The following CALCRL variants were observed in gnomAD, a reference collection of about 807,000 sequenced individuals.
The protein encoded by CALCRL is calcitonin gene-related peptide type 1 receptor.
CALCRL carries 27 observed loss-of-function variants against 60.4 expected under a neutral mutation model. That is an observed-to-expected ratio of 0.45 (90% CI 0.33 to 0.62). The LOEUF is 0.62. CALCRL is among the 20% of genes least tolerant of loss of function. The pLI is 0.03. For missense variants in CALCRL, 424 were observed against 540.7 expected (o/e 0.78, Z 2.14); for synonymous variants, 190 against 182.6 (o/e 1.04, Z -0.33).
rs1689403786 is a variant in CALCRL, at chr2:187,412,355, C to T, written c.-292-24599G>A. ...CAAGAGAAATGATCCACAGGGTAGACTTGGAACTGAGTACTGAAAAGGGGG... is the reference window on the plus strand; with the variant it reads ...CAAGAGAAATGATCCACAGGGTAGATTTGGAACTGAGTACTGAAAAGGGGG... On this transcript the variant is annotated intron_variant, in intron 1 of 14. Coordinates refer to ENST00000392370, the MANE Select transcript of CALCRL (RefSeq NM_005795.6). 2.0e-5 allele frequency among the ~76,000 whole-genome samples: 3 copies of T among 152,134 alleles called. No individual in the cohort carries two copies. The South Asian group carries it at 6.2e-4, about 32-fold the overall frequency.
intron 3 of CALCRL, 47 bp from the exon 4 acceptor site, chr2:187,385,678 T>A: frequency 2.2e-6 from 2 of 910,044 alleles, no homozygotes; most frequent in African/African-American, 3.5e-5. Flanking sequence ...ATTTATGAAA[T>A]AAATGCAGAT....
At chr2:187,357,935 A>G (rs750922816) in intron 12 of CALCRL, among the ~76,000 whole-genome samples, 6 of 152,082 alleles carry the variant, frequency 3.9e-5, no homozygotes, top group African/African-American at 4.8e-5. Flanking sequence ...AACTTAAAGT[A>G]TAACAACAAC....
intron 14 of CALCRL, among the ~76,000 whole-genome samples, chr2:187,348,099 A>C (rs1046162605): frequency 2.6e-5 from 4 of 151,746 alleles, no homozygotes; most frequent in Non-Finnish European, 5.9e-5. Context: ...TTATCTTGCA[A>C]AAATTAAACT....
At chr2:187,368,025 G>T (rs561229536) in intron 8 of CALCRL, among the ~76,000 whole-genome samples, 1 of 152,126 alleles carries the variant, frequency 6.6e-6, no homozygotes, top group South Asian at 2.1e-4. Context: ...GTCACTATGT[G>T]TAGTTCAGAC....
intron 8 of CALCRL, among the ~76,000 whole-genome samples, chr2:187,367,326 T>C (rs1276440613): frequency 6.6e-6 from 1 of 152,148 alleles, no homozygotes; most frequent in Non-Finnish European, 1.5e-5. Flanking sequence ...TGTGTAAATA[T>C]GTCCTACTGC....
intron 3 of CALCRL, among the ~76,000 whole-genome samples, chr2:187,385,844 G>C (rs12105527): frequency 0.032 from 4,829 of 152,072 alleles, 144 homozygotes; most frequent in African/African-American, 0.072. Flanking sequence ...TGGACTTCCC[G>C]AGTTCAAGCG....
chr2:187,357,757 G>T (rs1686861586), intron 12 of CALCRL, among the ~76,000 whole-genome samples: 1 of 151,282 alleles, frequency 6.6e-6, no homozygotes, highest in African/African-American at 2.4e-5. Flanking sequence ...TAACTAACCT[G>T]CACATTGTGC....
intron 3 of CALCRL, 23 bp from the exon 4 acceptor site, chr2:187,385,654 T>C: frequency 1.7e-6 from 2 of 1,156,294 alleles, no homozygotes; most frequent in Non-Finnish European, 2.5e-6. Context: ...ATAAAAGAAA[T>C]ATAATTCATC....
At chr2:187,374,151 C>T (rs1189322422) in intron 8 of CALCRL, among the ~76,000 whole-genome samples, 2 of 151,934 alleles carry the variant, frequency 1.3e-5, no homozygotes, top group Admixed American at 6.6e-5. Flanking sequence ...CTGGGTGACA[C>T]AGTGAGAGCC....
chr2:187,391,081 T>C (rs1404404783), intron 1 of CALCRL, among the ~76,000 whole-genome samples: 3 of 152,150 alleles, frequency 2.0e-5, no homozygotes, highest in Non-Finnish European at 2.9e-5. Flanking sequence ...ATTGCAAATA[T>C]AGCTGAAAGT....
At chr2:187,355,334 T>C (rs913782507) in intron 12 of CALCRL, among the ~76,000 whole-genome samples, 4 of 152,060 alleles carry the variant, frequency 2.6e-5, no homozygotes, top group African/African-American at 9.7e-5. Flanking sequence ...TTAAACACAG[T>C]ATGTCACTCA....
intron 1 of CALCRL, among the ~76,000 whole-genome samples, chr2:187,409,418 A>G (rs1193120243): frequency 3.9e-5 from 6 of 152,220 alleles, no homozygotes; most frequent in African/African-American, 9.6e-5. Flanking sequence ...TTGGTACAAA[A>G]TATTTGAGTT....
chr2:187,426,572 T>A (rs1690142182), intron 1 of CALCRL, among the ~76,000 whole-genome samples: 1 of 152,060 alleles, frequency 6.6e-6, no homozygotes, highest in East Asian at 1.9e-4. Context: ...AGCTATCTAT[T>A]TATATAGAGT....
intron 12 of CALCRL, among the ~76,000 whole-genome samples, chr2:187,352,662 G>T (rs1289382456): frequency 6.6e-6 from 1 of 151,728 alleles, no homozygotes; most frequent in South Asian, 2.1e-4. Flanking sequence ...AAAAACTAAA[G>T]ATTTTGAACA....
chr2:187,421,803 A>G (rs1689882806), intron 1 of CALCRL, among the ~76,000 whole-genome samples: 1 of 152,206 alleles, frequency 6.6e-6, no homozygotes, highest in South Asian at 2.1e-4. Context: ...GTGTCCAGTA[A>G]GCATAGACAC....
chr2:187,435,326 A>G (rs969666476), intron 1 of CALCRL, among the ~76,000 whole-genome samples: 1 of 152,012 alleles, frequency 6.6e-6, no homozygotes, highest in Non-Finnish European at 1.5e-5. Flanking sequence ...AAGGTCCTAT[A>G]CTCTTTCAAA....
chr2:187,444,013 C>T (rs898914199), intron 1 of CALCRL, among the ~76,000 whole-genome samples: 7 of 151,290 alleles, frequency 4.6e-5, no homozygotes, highest in African/African-American at 7.3e-5. Flanking sequence ...TGTGTGCTCA[C>T]GAATATGCTA....
At chr2:187,415,664 G>C in intron 1 of CALCRL, 1 of 615,630 alleles carries the variant, frequency 1.6e-6, no homozygotes, top group East Asian at 3.7e-5. Flanking sequence ...GACATTCTGG[G>C]CTACACTGAG....
At chr2:187,380,654 T>C (rs771371034) in intron 6 of CALCRL, 23 bp downstream of exon 6, 2 of 1,591,440 alleles carry the variant, frequency 1.3e-6, no homozygotes, top group African/African-American at 1.3e-5. Flanking sequence ...CAAGGAGATA[T>C]GTAGATACAT....
Sources: allele counts gnomAD v4.1 joint callset (sites outside exome capture counted in the v4.1 genomes callset), GRCh38; gene constraint gnomAD v4.1.1; transcripts MANE v1.5; gene names NCBI Gene and HGNC (gene_info 2026-07-23, HGNC 2026-07-21).